The following GRM8 variants were observed in gnomAD, a reference collection of about 807,000 sequenced individuals.
GRM8 encodes metabotropic glutamate receptor 8.
Under a neutral mutation model 87.2 loss-of-function variants are expected in GRM8, and 47 were observed. The observed-to-expected ratio is 0.54, with a 90% CI of 0.43 to 0.69. The LOEUF is 0.69. Among genes scored for constraint, GRM8 ranks in the 30% least tolerant of loss-of-function variants. The pLI is 0.00. For synonymous variants in GRM8, 396 were observed against 404.5 expected (o/e 0.98, Z 0.25); for missense variants, 1,019 against 1,139.2 (o/e 0.89, Z 1.52).
At position 126,768,929 on chromosome 7, in the gene GRM8, A is replaced by AAAAAAAAAAAAC. The variant is rs1432431055; in HGVS notation, c.1357+935_1357+936insGTTTTTTTTTTT. On this transcript the variant is annotated intron_variant, in intron 7 of 10. Transcript: ENST00000339582. ...AGGTTGCCTTTAAAGGAAAAATGCA[A>AAAAAAAAAAAAC]AAAAAAAAAAAATAAAGAAGAAGTT... 3.9e-3 allele frequency among the ~76,000 whole-genome samples: 545 copies of AAAAAAAAAAAAC among 140,354 alleles called. 2 individuals are homozygous for AAAAAAAAAAAAC. The highest frequency in any genetic ancestry group is 0.015 in the African/African-American group (524 of 35,952). 92.1% of individuals were successfully genotyped at this position (140,354 alleles called of 152,430 possible). A position where few individuals can be genotyped will look rare whatever the true frequency, so the allele number is the denominator to read the frequency against.
At chr7:126,506,265 A>G (rs1810451006) in intron 9 of GRM8, among the ~76,000 whole-genome samples, 2 of 151,634 alleles carry the variant, frequency 1.3e-5, no homozygotes, top group East Asian at 2.0e-4. Flanking sequence ...GTATCTACAC[A>G]CACACACATA....
intron 3 of GRM8, among the ~76,000 whole-genome samples, chr7:126,971,558 A>T (rs970139282): frequency 6.6e-6 from 1 of 152,182 alleles, no homozygotes; most frequent in African/African-American, 2.4e-5. Context: ...GGCTTCAATT[A>T]AAGGTCAGTC....
rs1238885264 is a variant in GRM8 at position 127,252,182 on chromosome 7, C to G, written c.-312+615G>C. The G allele has an allele frequency of 1.3e-5, 2 of 152,192 alleles. No homozygotes were observed. The highest frequency in any genetic ancestry group is 2.9e-5 in the Non-Finnish European group (2 of 68,106). The allele number at this position is 152,192 out of a possible 1,614,324, so 9.4% of individuals were successfully genotyped here. ...TTCCACCAGGGCAGGTCCGGGAGGT[C>G]ACCCAGGGCAGACGATCCGAGGCAG... On this transcript the variant is annotated intron_variant, in intron 1 of 10. Transcript: ENST00000339582. This position sits in a 1 kb window ranked among gnomAD's most constrained non-coding sequence, Gnocchi z 4.9.
intron 3 of GRM8, among the ~76,000 whole-genome samples, chr7:127,042,866 T>C (rs1818557576): frequency 6.6e-6 from 1 of 152,242 alleles, no homozygotes; most frequent in Non-Finnish European, 1.5e-5. Flanking sequence ...TCTACTCATC[T>C]GACAAAGGGC....
chr7:127,004,364 T>C (rs143754190), intron 3 of GRM8, among the ~76,000 whole-genome samples: 6 of 151,644 alleles, frequency 4.0e-5, no homozygotes, highest in South Asian at 2.1e-4. Context: ...GAAAACTAAA[T>C]TACTCACTAG....
intron 7 of GRM8, among the ~76,000 whole-genome samples, chr7:126,637,206 C>T (rs1027401062): frequency 1.2e-4 from 18 of 152,144 alleles, no homozygotes; most frequent in African/African-American, 4.1e-4. Context: ...GGAGTCATGA[C>T]ACCAGAAATC....
rs187186799 is a variant in GRM8, at chr7:127,207,863, G to T, written c.510+34832C>A. Reference sequence around the variant, plus strand: ...ATAAAGATTGCCTAAGGCCATGCCAGGCAAGGGTTAAGTCATGCACCCTCC... The same window carrying T: ...ATAAAGATTGCCTAAGGCCATGCCATGCAAGGGTTAAGTCATGCACCCTCC... On this transcript the variant is annotated intron_variant, in intron 2 of 10. Transcript: ENST00000339582. Among the ~76,000 whole-genome samples the T allele has an allele frequency of 3.6e-3, 544 of 152,268 alleles. 2 individuals carry two copies. Among genetic ancestry groups the T allele is most frequent in the African/African-American group, 0.012 (519 of 41,544 alleles).
intron 2 of GRM8, among the ~76,000 whole-genome samples, chr7:127,186,147 A>G (rs1237598027): frequency 6.6e-6 from 1 of 152,176 alleles, no homozygotes; most frequent in Non-Finnish European, 1.5e-5. Flanking sequence ...TAAAGAGATA[A>G]CTAGGGCAGA....
chr7:127,009,865 A>G (rs1814699124), intron 3 of GRM8, among the ~76,000 whole-genome samples: 1 of 151,726 alleles, frequency 6.6e-6, no homozygotes, highest in East Asian at 1.9e-4. Context: ...TCTTTTTGCC[A>G]TGGAGTTGCA....
rs185022259 is a variant in GRM8 at position 126,644,212 on chromosome 7, G to A, written c.1358-34714C>T. On this transcript the variant is annotated intron_variant, in intron 7 of 10. Transcript: ENST00000339582. ...ATGAAGTTTAATATTAAAATATATC[G>A]TATTTTCAAATTTAAACATAAAGTT... 3.6e-3 allele frequency among the ~76,000 whole-genome samples: 540 copies of A among 152,112 alleles called. 4 individuals carry two copies. The highest frequency in any genetic ancestry group is 0.02 in the Admixed American group (301 of 15,272).
At chr7:126,990,831 C>T (rs1030721270) in intron 3 of GRM8, among the ~76,000 whole-genome samples, 1 of 152,264 alleles carries the variant, frequency 6.6e-6, no homozygotes, top group Admixed American at 6.5e-5. Flanking sequence ...ATTAAAAGCA[C>T]ATTTTAATAC....
chr7:126,523,341 GT>G (rs1040930330), intron 9 of GRM8, among the ~76,000 whole-genome samples: 27 of 151,972 alleles, frequency 1.8e-4, no homozygotes, highest in Non-Finnish European at 3.4e-4. Flanking sequence ...GAGTTTGAAT[GT>G]TTTTTTGTTT....
intron 9 of GRM8, among the ~76,000 whole-genome samples, chr7:126,457,221 G>T (rs1482364842): frequency 2.0e-5 from 3 of 151,336 alleles, no homozygotes; most frequent in African/African-American, 7.3e-5. Flanking sequence ...AATATCCACG[G>T]TGAAGGATGG....
intron 6 of GRM8, among the ~76,000 whole-genome samples, chr7:126,812,313 C>T (rs144768750): frequency 4.0e-5 from 6 of 151,804 alleles, no homozygotes; most frequent in African/African-American, 1.2e-4. Context: ...TATCATTGTG[C>T]GAACATTACA....
Position 126,477,565 on chromosome 7 carries a change from AAGAAAGAAAGAAAGAG to A in GRM8, c.2431-31209_2431-31194del, listed in dbSNP as rs1475095639. ...GACTGAGAAAAGGAGAAGTAAGAGA[AAGAAAGAAAGAAAGAG>A]AGAAAGAAAGAAAGAAAGAAAGAAA... On this transcript the variant is annotated intron_variant, in intron 9 of 10. Coordinates refer to ENST00000339582, the MANE Select transcript of GRM8 (RefSeq NM_000845.3). 1.4e-3 allele frequency among the ~76,000 whole-genome samples: 152 copies of A among 109,492 alleles called. 1 individual carries two copies. The highest frequency in any genetic ancestry group is 4.9e-3 in the African/African-American group (142 of 29,084). The allele number at this position is 109,492 out of a possible 152,430, so 71.8% of individuals were successfully genotyped here. A position where few individuals can be genotyped will look rare whatever the true frequency, so the allele number is the denominator to read the frequency against.
intron 3 of GRM8, among the ~76,000 whole-genome samples, chr7:126,916,737 G>T (rs998950145): frequency 6.6e-6 from 1 of 152,176 alleles, no homozygotes; most frequent in Admixed American, 6.5e-5. Context: ...TAGCAGAAAG[G>T]TCATTATTAT....
intron 8 of GRM8, among the ~76,000 whole-genome samples, chr7:126,583,102 T>C (rs912004609): frequency 6.6e-6 from 1 of 152,198 alleles, no homozygotes; most frequent in African/African-American, 2.4e-5. Flanking sequence ...ATGCCTGTAG[T>C]CCCAGCACTT....
chr7:127,145,864 C>G (rs989221341), intron 2 of GRM8, among the ~76,000 whole-genome samples: 1 of 152,042 alleles, frequency 6.6e-6, no homozygotes, highest in African/African-American at 2.4e-5. Flanking sequence ...AAAGATTATT[C>G]ACTGTTTATC....
intron 2 of GRM8, among the ~76,000 whole-genome samples, chr7:127,172,030 A>G (rs1191275607): frequency 6.6e-6 from 1 of 152,212 alleles, no homozygotes; most frequent in Non-Finnish European, 1.5e-5. Context: ...ACTTGCAAAA[A>G]AAAAAGAAAC....
Sources: allele counts gnomAD v4.1 joint callset (sites outside exome capture counted in the v4.1 genomes callset), GRCh38; gene constraint gnomAD v4.1.1; non-coding constraint Gnocchi (gnomAD v3.1); transcripts MANE v1.5; gene names NCBI Gene and HGNC (gene_info 2026-07-23, HGNC 2026-07-21).